WWC1: variants seen among roughly 807,000 people sequenced by gnomAD.
WWC1 encodes protein KIBRA.
A neutral mutation model predicts 138.4 loss-of-function variants in WWC1; 55 were observed. The ratio of observed to expected loss-of-function variants is 0.40; its 90% CI spans 0.32 to 0.50. The LOEUF (loss-of-function observed/expected upper bound fraction) is 0.50. Among genes scored for constraint, WWC1 ranks in the 20% least tolerant of loss-of-function variants. The pLI, the probability that WWC1 is intolerant of heterozygous loss-of-function variation, is 0.72. For synonymous variants in WWC1, 524 were observed against 564.9 expected, an observed-to-expected ratio of 0.93 and a Z score of 1.03; for missense variants, 1,226 against 1,420.4, an observed-to-expected ratio of 0.86 and a Z score of 2.20.
At chr5:168,467,208 A>G (rs1381135222) in intron 21 of WWC1, among the ~76,000 whole-genome samples, 1 of 152,238 alleles carries the variant, frequency 6.6e-6, no homozygotes, top group Non-Finnish European at 1.5e-5. Flanking sequence ...CAGTGAGCCG[A>G]GATTGCGCCC....
intron 1 of WWC1, among the ~76,000 whole-genome samples, chr5:168,340,613 C>G (rs1000321062): frequency 2.0e-5 from 3 of 152,148 alleles, no homozygotes; most frequent in African/African-American, 7.2e-5. Flanking sequence ...TGGCTTCTTT[C>G]AGTGAGCATG....
At chr5:168,430,556 G>A (rs961568441) in intron 14 of WWC1, among the ~76,000 whole-genome samples, 11 of 152,210 alleles carry the variant, frequency 7.2e-5, no homozygotes, top group Admixed American at 2.6e-4. Context: ...GAGCCTCATG[G>A]AGAAGAATGG....
chr5:168,386,377 C>CTTTTTTTTT (rs59691686), intron 3 of WWC1, among the ~76,000 whole-genome samples: 2 of 143,934 alleles, frequency 1.4e-5, no homozygotes, highest in Non-Finnish European at 1.5e-5. Context: ...TCCCCTTGTT[C>CTTTTTTTTT]TTTTTTTTTT....
intron 1 of WWC1, among the ~76,000 whole-genome samples, chr5:168,366,124 G>T (rs1034757959): frequency 2.0e-5 from 3 of 152,176 alleles, no homozygotes; most frequent in Admixed American, 1.3e-4. Context: ...TGGGGGACGG[G>T]GGGTGGCTGG....
At chr5:168,377,534 A>G (rs10050875) in intron 2 of WWC1, among the ~76,000 whole-genome samples, 2,075 of 152,292 alleles carry the variant, frequency 0.014, 40 homozygotes, top group African/African-American at 0.046. Flanking sequence ...CTATGCATCC[A>G]GTAAAGGTCT....
chr5:168,428,357 G>A (rs1781677983), intron 12 of WWC1, among the ~76,000 whole-genome samples: 4 of 152,158 alleles, frequency 2.6e-5, no homozygotes, highest in Admixed American at 2.6e-4. Context: ...GGGAGTGCTA[G>A]TTCTGTGGTA....
chr5:168,345,221 C>T (rs527526158), intron 1 of WWC1, among the ~76,000 whole-genome samples: 1 of 152,352 alleles, frequency 6.6e-6, no homozygotes, highest in South Asian at 2.1e-4. Flanking sequence ...TCTCCTGCCT[C>T]AACCTCCCAA....
At chr5:168,417,906 G>A (rs112829602) in intron 9 of WWC1, among the ~76,000 whole-genome samples, 15 of 152,240 alleles carry the variant, frequency 9.9e-5, no homozygotes, top group African/African-American at 2.2e-4. Flanking sequence ...CGGGAAAGCC[G>A]CCCCAGCTGT....
rs1757563816 is a variant in WWC1, at chr5:168,469,294, GA to G, written c.*280del. 3 of 411,190 alleles carry G rather than the reference GA, an allele frequency of 7.3e-6. No homozygotes were observed. Among genetic ancestry groups the G allele is most frequent in the Non-Finnish European group, 1.3e-5 (3 of 227,932 alleles). 25.5% of individuals were successfully genotyped at this position (411,190 alleles called of 1,614,324 possible). A position where few individuals can be genotyped will look rare whatever the true frequency, so the allele number is the denominator to read the frequency against. ...TGTATATTTAGGAGTGTATTTTTGG[GA>G]AAGAAAATTTAAATGAACTAAAGCA... is the stretch of plus-strand genomic sequence containing the variant. On this transcript the variant is annotated 3_prime_UTR_variant, in exon 23 of 23. Coordinates refer to ENST00000265293, the MANE Select transcript of WWC1 (RefSeq NM_015238.3).
intron 1 of WWC1, among the ~76,000 whole-genome samples, chr5:168,315,763 T>G (rs942857508): frequency 2.6e-5 from 4 of 152,102 alleles, no homozygotes; most frequent in African/African-American, 9.7e-5. Flanking sequence ...GAATGGTCGC[T>G]TCCCGTTAAG....
At chr5:168,440,073 G>A (rs1754611960) in intron 15 of WWC1, among the ~76,000 whole-genome samples, 2 of 152,138 alleles carry the variant, frequency 1.3e-5, no homozygotes, top group Non-Finnish European at 2.9e-5. Context: ...ACAGAACCTA[G>A]TGCTTAATAT....
intron 1 of WWC1, among the ~76,000 whole-genome samples, chr5:168,341,011 C>T (rs1014790649): frequency 1.3e-5 from 2 of 152,200 alleles, no homozygotes; most frequent in Non-Finnish European, 2.9e-5. Context: ...CTCTCCTGAA[C>T]GCTTCCTTAT....
intron 2 of WWC1, 141 bp from the exon 3 acceptor site, chr5:168,385,069 AG>A: frequency 1.3e-6 from 1 of 774,290 alleles, no homozygotes; most frequent in Non-Finnish European, 2.1e-6. Context: ...ACTGTCATTT[AG>A]TAAATGAGTT....
Position 168,422,990 on chromosome 5 carries a change from C to CA in WWC1, c.1275-537dup, listed in dbSNP as rs767928548. ...GTGAAACCCCCTCTCTACTAAAATA[C>CA]AAAAAATTAACCGGGCGTGGTGGCA... On this transcript the variant is annotated intron_variant, in intron 10 of 22. Coordinates refer to ENST00000265293, the MANE Select transcript of WWC1 (RefSeq NM_015238.3). 2.3e-3 allele frequency among the ~76,000 whole-genome samples: 351 copies of CA among 151,468 alleles called. 3 individuals are homozygous for CA. The highest frequency in any genetic ancestry group is 8.0e-3 in the African/African-American group (331 of 41,318).
intron 2 of WWC1, among the ~76,000 whole-genome samples, chr5:168,374,731 C>T (rs1285564763): frequency 6.6e-6 from 1 of 152,088 alleles, no homozygotes; most frequent in Non-Finnish European, 1.5e-5. Flanking sequence ...AGTCTGACTG[C>T]CATGCTGAGA....
At chr5:168,350,397 A>G (rs1774846709) in intron 1 of WWC1, among the ~76,000 whole-genome samples, 2 of 152,338 alleles carry the variant, frequency 1.3e-5, no homozygotes, top group South Asian at 2.1e-4. Flanking sequence ...GAAATTTGCA[A>G]TGCTGTCACC....
chr5:168,350,259 T>C (rs1774836323), intron 1 of WWC1, among the ~76,000 whole-genome samples: 1 of 152,200 alleles, frequency 6.6e-6, no homozygotes, highest in Non-Finnish European at 1.5e-5. Context: ...TCTCTCTTAT[T>C]CATGGCTCAG....
In WWC1 at chr5:168,412,120, G is replaced by A. The variant is rs552465149; in HGVS notation, c.941+2125G>A. 1.1e-5 allele frequency: 11 copies of A among 985,446 alleles called. No individual in the cohort carries two copies. In the East Asian group the frequency reaches 5.7e-4, roughly 51 times the overall value. 61.0% of individuals were successfully genotyped at this position (985,446 alleles called of 1,614,324 possible). Reference sequence around the variant, plus strand: ...TCTGTTCCATCCTGCAGGAATGCCTGTCTTAGATGGTCAGTCCTTGAGACA... The same window carrying A: ...TCTGTTCCATCCTGCAGGAATGCCTATCTTAGATGGTCAGTCCTTGAGACA... On this transcript the variant is annotated intron_variant, in intron 8 of 22. Transcript: ENST00000265293.
At chr5:168,411,638 TCAATGTGGCCAGG>T (rs1306599518) in intron 8 of WWC1, 1 of 152,154 alleles carries the variant, frequency 6.6e-6, no homozygotes, top group Non-Finnish European at 1.5e-5. Flanking sequence ...GACTTTCCTG[TCAATGTGGCCAGG>T]CAACTCCCAG....
Sources: allele counts gnomAD v4.1 joint callset (sites outside exome capture counted in the v4.1 genomes callset), GRCh38; gene constraint gnomAD v4.1.1; transcripts MANE v1.5; gene names NCBI Gene and HGNC (gene_info 2026-07-23, HGNC 2026-07-21).